The following PCSK5 variants were observed in gnomAD, a reference collection of about 807,000 sequenced individuals.
PCSK5 encodes proprotein convertase subtilisin/kexin type 5, also known as prohormone convertase 5.
A neutral mutation model predicts 233.2 loss-of-function variants in PCSK5; 129 were observed. The observed-to-expected ratio is 0.55, with a 90% CI of 0.48 to 0.64. The LOEUF is 0.64. Ranked by LOEUF, PCSK5 falls within the 30% of genes least tolerant of loss-of-function variation. The probability of loss-of-function intolerance (pLI) is 0.00; values close to 1 mark genes in which losing one functional copy is unlikely to be tolerated. For missense variants in PCSK5, 2,076 were observed against 2,430.1 expected (o/e 0.85, Z 3.06); for synonymous variants, 825 against 879.2 (o/e 0.94, Z 1.09).
chr9:76,190,840 C>G (rs1354432809), intron 20 of PCSK5, among the ~76,000 whole-genome samples: 3 of 152,118 alleles, frequency 2.0e-5, no homozygotes, highest in Non-Finnish European at 4.4e-5. Flanking sequence ...AGCACCATCC[C>G]CAAATATTCT....
At chr9:76,105,080 C>T (rs548946330) in intron 8 of PCSK5, among the ~76,000 whole-genome samples, 3 of 152,288 alleles carry the variant, frequency 2.0e-5, no homozygotes, top group South Asian at 2.1e-4. Context: ...AGAGAGATTG[C>T]GGCACCCCCA....
chr9:76,168,493 C>T (rs1046921912), intron 12 of PCSK5, among the ~76,000 whole-genome samples: 3 of 152,100 alleles, frequency 2.0e-5, no homozygotes, highest in Non-Finnish European at 4.4e-5. Flanking sequence ...TCTCTTTATT[C>T]TTGAAAGGGA....
intron 1 of PCSK5, among the ~76,000 whole-genome samples, chr9:75,931,811 A>G (rs1476124419): frequency 6.6e-6 from 1 of 152,188 alleles, no homozygotes; most frequent in Non-Finnish European, 1.5e-5. Flanking sequence ...CTTGTTTTAG[A>G]TATTGCGATT....
intron 7 of PCSK5, among the ~76,000 whole-genome samples, chr9:76,082,196 C>T (rs1251957399): frequency 6.6e-6 from 1 of 152,282 alleles, no homozygotes; most frequent in Non-Finnish European, 1.5e-5. Context: ...TTAAAAGTTT[C>T]TCTCATTCAG....
At chr9:76,199,978 A>C (rs991590530) in intron 20 of PCSK5, among the ~76,000 whole-genome samples, 1 of 152,082 alleles carries the variant, frequency 6.6e-6, no homozygotes, top group African/African-American at 2.4e-5. Flanking sequence ...ATTTCCAAAT[A>C]TATCTCTAAA....
intron 36 of PCSK5, among the ~76,000 whole-genome samples, chr9:76,353,182 CCTT>C (rs1830210816): frequency 6.6e-6 from 1 of 152,318 alleles, no homozygotes; most frequent in East Asian, 1.9e-4. Flanking sequence ...AATTTCCATT[CCTT>C]CTTCTTTTTC....
intron 24 of PCSK5, among the ~76,000 whole-genome samples, chr9:76,243,715 C>T (rs1022724163): frequency 1.3e-5 from 2 of 152,162 alleles, no homozygotes; most frequent in Admixed American, 1.3e-4. Flanking sequence ...TGAGAACAAG[C>T]TCTTTGACTT....
At chr9:75,979,729 C>A (rs1315592406) in intron 2 of PCSK5, among the ~76,000 whole-genome samples, 8 of 152,184 alleles carry the variant, frequency 5.3e-5, no homozygotes, top group Non-Finnish European at 4.4e-5. Context: ...CAGATGGTTT[C>A]TCATTATTCA....
intron 5 of PCSK5, among the ~76,000 whole-genome samples, chr9:76,034,301 C>T (rs749014063): frequency 2.4e-4 from 36 of 152,144 alleles, no homozygotes; most frequent in Non-Finnish European, 4.4e-4. Flanking sequence ...TATTCCCCTT[C>T]TCTTACCTAT....
At chr9:76,159,292 A>G in intron 12 of PCSK5, 121 bp downstream of exon 12, 1 of 806,402 alleles carries the variant, frequency 1.2e-6, no homozygotes, top group Non-Finnish European at 2.0e-6. Flanking sequence ...GGGTGCTTAG[A>G]TGTCAGGATC....
intron 2 of PCSK5, among the ~76,000 whole-genome samples, chr9:75,949,534 A>G (rs780691178): frequency 9.2e-5 from 14 of 151,606 alleles, no homozygotes; most frequent in Non-Finnish European, 2.1e-4. Flanking sequence ...ATTTATTATT[A>G]TTTATTTATT....
chr9:76,090,908 C>T (rs1463970415), intron 7 of PCSK5, among the ~76,000 whole-genome samples: 1 of 152,118 alleles, frequency 6.6e-6, no homozygotes, highest in Non-Finnish European at 1.5e-5. Flanking sequence ...AATGACAGAT[C>T]ATCAGTCATT....
At chr9:76,024,481 A>G (rs1324387148) in intron 4 of PCSK5, among the ~76,000 whole-genome samples, 2 of 152,198 alleles carry the variant, frequency 1.3e-5, no homozygotes, top group Non-Finnish European at 2.9e-5. Flanking sequence ...TCCTCCTTTG[A>G]TAGGAGAATA....
At chr9:76,163,449 G>C (rs1387179329) in intron 12 of PCSK5, among the ~76,000 whole-genome samples, 1 of 152,216 alleles carries the variant, frequency 6.6e-6, no homozygotes, top group Non-Finnish European at 1.5e-5. Flanking sequence ...CTTGAGCTCT[G>C]TGCCCCATTA....
rs375864192 is a variant in PCSK5 at position 76,067,010 on chromosome 9, C to T, written c.633-945C>T. On this transcript the variant is annotated intron_variant, in intron 5 of 37. Coordinates refer to ENST00000674117, the MANE Select transcript of PCSK5 (RefSeq NM_001372043.1). ...AAACCATAATGACTGTCACATCCCC[C>T]TTCTGCAGGCATGGCAGACATTAGA... Among the ~76,000 whole-genome samples the T allele has an allele frequency of 1.1e-4, 17 of 152,312 alleles. No homozygotes were observed. The East Asian group carries it at 3.1e-3, about 28-fold the overall frequency.
At chr9:76,031,250 C>A (rs537679758) in intron 5 of PCSK5, among the ~76,000 whole-genome samples, 5 of 152,218 alleles carry the variant, frequency 3.3e-5, no homozygotes, top group African/African-American at 9.6e-5. Flanking sequence ...TGGATAGTGG[C>A]CACCTAGAGT....
At chr9:76,092,359 C>T (rs776158834) in intron 7 of PCSK5, among the ~76,000 whole-genome samples, 21 of 152,120 alleles carry the variant, frequency 1.4e-4, no homozygotes, top group Non-Finnish European at 2.4e-4. Context: ...GCTGTGGCTC[C>T]AGTCAGTTTT....
rs555246806 is a variant in PCSK5, at chr9:75,982,295, C to A, written c.298-3837C>A. On this transcript the variant is annotated intron_variant, in intron 2 of 37. Coordinates refer to ENST00000674117, the MANE Select transcript of PCSK5 (RefSeq NM_001372043.1). ...TTACTGGCAGTGTTTTAGTAAATAA[C>A]CTCGCACATTCACATGTGTACATAG... Among the ~76,000 whole-genome samples the A allele has an allele frequency of 3.3e-5, 5 of 152,242 alleles. No individual in the cohort carries two copies. In the East Asian group the frequency reaches 9.6e-4, roughly 29 times the overall value.
At chr9:76,308,616 G>A in intron 28 of PCSK5, 29 bp from the exon 29 acceptor site, 1 of 1,330,854 alleles carries the variant, frequency 7.5e-7, no homozygotes, top group Non-Finnish European at 1.1e-6. Flanking sequence ...CCAAGGAGAA[G>A]CCTGAACTGT....
Sources: gnomAD v4.1 joint callset for allele counts (sites outside exome capture counted in the v4.1 genomes callset) on GRCh38, gnomAD v4.1.1 for gene constraint, MANE v1.5 for transcripts, NCBI Gene and HGNC (gene_info 2026-07-23, HGNC 2026-07-21) for gene names.